The following SLC5A11 variants were observed in gnomAD, a reference collection of about 807,000 sequenced individuals.
SLC5A11 encodes sodium/myo-inositol cotransporter 2.
A neutral mutation model predicts 69.8 loss-of-function variants in SLC5A11; 48 were observed. The ratio of observed to expected loss-of-function variants is 0.69; its 90% CI spans 0.55 to 0.87. The LOEUF (loss-of-function observed/expected upper bound fraction) is 0.87. Among genes scored for constraint, SLC5A11 ranks in the 40% least tolerant of loss-of-function variants. SLC5A11 has a pLI of 0.00. For missense variants in SLC5A11, 784 were observed against 866.1 expected (o/e 0.91, Z 1.19); for synonymous variants, 319 against 342.4 (o/e 0.93, Z 0.75).
At chr16:24,909,804 G>A (rs994306699) in intron 14 of SLC5A11, among the ~76,000 whole-genome samples, 50 of 146,130 alleles carry the variant, frequency 3.4e-4, no homozygotes, top group Admixed American at 6.9e-4. Context: ...ACTCCCACCT[G>A]GGTGACAGAA....
chr16:24,907,791 C>T (rs544925526), intron 12 of SLC5A11, among the ~76,000 whole-genome samples, 172 bp from the exon 14 acceptor site: 2 of 152,180 alleles, frequency 1.3e-5, no homozygotes, highest in Non-Finnish European at 2.9e-5. Flanking sequence ...GAGGCTGAGG[C>T]AGGAGGATCA....
chr16:24,879,928 G>T (rs2047930651), intron 7 of SLC5A11, among the ~76,000 whole-genome samples: 1 of 152,118 alleles, frequency 6.6e-6, no homozygotes, highest in Non-Finnish European at 1.5e-5. Context: ...CTGTTGATGG[G>T]CACCTGTGTC....
chr16:24,908,327 G>A (rs771402525), intron 13 of SLC5A11, among the ~76,000 whole-genome samples, 196 bp downstream of exon 14: 11 of 152,196 alleles, frequency 7.2e-5, no homozygotes, highest in Admixed American at 1.3e-4. Flanking sequence ...GGGCTGCTGC[G>A]ATGGCTCACA....
intron 5 of SLC5A11, 29 bp downstream of exon 6, chr16:24,872,248 G>A: frequency 1.2e-6 from 2 of 1,613,016 alleles, no homozygotes; most frequent in Non-Finnish European, 1.7e-6. Flanking sequence ...GGATGCTGTA[G>A]AATTGAAAGA....
chr16:24,873,618 G>A (rs1450214774), intron 5 of SLC5A11, among the ~76,000 whole-genome samples: 1 of 151,144 alleles, frequency 6.6e-6, no homozygotes, highest in Non-Finnish European at 1.5e-5. Context: ...AGCTATGATT[G>A]TACCACTGCA....
At chr16:24,862,804 G>A (rs866849060) in intron 3 of SLC5A11, 132 bp downstream of exon 4, 1 of 599,694 alleles carries the variant, frequency 1.7e-6, no homozygotes, top group Non-Finnish European at 2.6e-6. Flanking sequence ...ACTAGAGAAG[G>A]CTTAGCTCCA....
intron 6 of SLC5A11, 28 bp from the exon 8 acceptor site, chr16:24,877,230 T>G: frequency 6.2e-7 from 1 of 1,611,148 alleles, no homozygotes; most frequent in Non-Finnish European, 8.5e-7. Context: ...CGTTCATTTG[T>G]TCATCCATCA....
chr16:24,864,766 G>A (rs776084644), intron 3 of SLC5A11, among the ~76,000 whole-genome samples: 5 of 152,036 alleles, frequency 3.3e-5, no homozygotes, highest in African/African-American at 4.8e-5. Context: ...AGAAAAGTAT[G>A]AGAACAATGT....
At chr16:24,897,362 G>A (rs1373511014) in intron 9 of SLC5A11, among the ~76,000 whole-genome samples, 4 of 152,112 alleles carry the variant, frequency 2.6e-5, no homozygotes, top group Non-Finnish European at 1.5e-5. Context: ...AAATAATTCT[G>A]TGGAGGACTC....
At chr16:24,866,200 C>T (rs1035896988) in intron 3 of SLC5A11, among the ~76,000 whole-genome samples, 1 of 149,492 alleles carries the variant, frequency 6.7e-6, no homozygotes, top group South Asian at 2.1e-4. Flanking sequence ...ACCAGTATTA[C>T]ATTAATTTAA....
At chr16:24,852,028 AC>A (rs953029560) in intron 1 of SLC5A11, among the ~76,000 whole-genome samples, 3 of 107,550 alleles carry the variant, frequency 2.8e-5, no homozygotes, top group Admixed American at 1.3e-4. Context: ...GATTCCTGCC[AC>A]CCCCTCTAAT....
intron 1 of SLC5A11, among the ~76,000 whole-genome samples, chr16:24,855,737 T>A (rs1436116505): frequency 6.6e-6 from 1 of 152,112 alleles, no homozygotes; most frequent in Non-Finnish European, 1.5e-5. Flanking sequence ...ACTTGACCCA[T>A]CCATCTACCA....
chr16:24,898,756 G>A (rs796786650), intron 10 of SLC5A11, among the ~76,000 whole-genome samples: 64 of 152,084 alleles, frequency 4.2e-4, no homozygotes, highest in African/African-American at 1.5e-3. Context: ...CTGACCTCGT[G>A]ATCCACCCAC....
At chr16:24,907,508 TCAAGAC>T (rs1291430501) in intron 12 of SLC5A11, among the ~76,000 whole-genome samples, 14 of 152,020 alleles carry the variant, frequency 9.2e-5, no homozygotes, top group Non-Finnish European at 2.1e-4. Context: ...GGTCAGGTGT[TCAAGAC>T]CAGGCTGGCC....
intron 1 of SLC5A11, among the ~76,000 whole-genome samples, chr16:24,854,434 T>G (rs967059035): frequency 6.6e-6 from 1 of 151,800 alleles, no homozygotes; most frequent in Non-Finnish European, 1.5e-5. Context: ...AGTAAAGTTT[T>G]TTTTTTTTTT....
exon 1 of SLC5A11, chr16:24,846,159 G>C (rs548957548): frequency 6.6e-5 from 10 of 152,576 alleles, no homozygotes; most frequent in Admixed American, 3.9e-4. Context: ...AGAGTTCAAG[G>C]GTCCTGGGCT....
chr16:24,904,632 C>T (rs572738829), intron 10 of SLC5A11, among the ~76,000 whole-genome samples: 1 of 152,278 alleles, frequency 6.6e-6, no homozygotes, highest in East Asian at 1.9e-4. Context: ...TTGCACTTCT[C>T]TCTCCACCAC....
chr16:24,911,118 G>C (rs941736230), intron 15 of SLC5A11, among the ~76,000 whole-genome samples: 2 of 143,790 alleles, frequency 1.4e-5, no homozygotes, highest in Non-Finnish European at 3.0e-5. Context: ...GCAGTGAGCC[G>C]AGATCACGCC....
At chr16:24,850,103 A>G (rs2059234496) in intron 1 of SLC5A11, among the ~76,000 whole-genome samples, 1 of 151,864 alleles carries the variant, frequency 6.6e-6, no homozygotes, top group African/African-American at 2.4e-5. Context: ...ATGCCCAGCT[A>G]ATTTTTAAAA....
Sources: allele counts gnomAD v4.1 joint callset (sites outside exome capture counted in the v4.1 genomes callset), GRCh38; gene constraint gnomAD v4.1.1; transcripts MANE v1.5; gene names NCBI Gene and HGNC (gene_info 2026-07-23, HGNC 2026-07-21).